CEP63: variants seen among roughly 807,000 people sequenced by gnomAD.
The protein encoded by CEP63 is centrosomal protein 63, also known as centrosomal protein of 63 kDa.
CEP63 carries 84 observed loss-of-function variants against 89.1 expected under a neutral mutation model. The observed-to-expected ratio is 0.94, with a 90% CI of 0.79 to 1.13. The LOEUF (loss-of-function observed/expected upper bound fraction) is 1.13. Ranked by LOEUF, CEP63 falls within the 50% of genes most tolerant of loss-of-function variation. CEP63 has a pLI of 0.00. For missense variants in CEP63, 838 were observed against 813.3 expected (o/e 1.03, Z -0.37); for synonymous variants, 267 against 272.5 (o/e 0.98, Z 0.20).
chr3:134,741,388 T>A, the CEP63 span, among the ~76,000 whole-genome samples: 1 of 152,170 alleles, frequency 6.6e-6, no homozygotes, highest in Non-Finnish European at 1.5e-5. Flanking sequence ...TCACAGTTGT[T>A]AGGGGTAGAG....
At chr3:134,579,826 G>C (rs1958301630), downstream of CEP63, among the ~76,000 whole-genome samples, 1 of 152,174 alleles carries the variant, frequency 6.6e-6, no homozygotes, top group South Asian at 2.1e-4. Flanking sequence ...ATAAAAAATA[G>C]TATATCCATG....
the CEP63 span, among the ~76,000 whole-genome samples, chr3:134,668,486 C>T: frequency 2.0e-5 from 3 of 152,096 alleles, no homozygotes; most frequent in Non-Finnish European, 2.9e-5. Flanking sequence ...TGCCAGCAGC[C>T]CTTAGCCCCC....
At chr3:134,491,108 A>G (rs1484940488) in intron 1 of CEP63, among the ~76,000 whole-genome samples, 3 of 152,202 alleles carry the variant, frequency 2.0e-5, no homozygotes, top group Non-Finnish European at 4.4e-5. Flanking sequence ...TGTTGGATAA[A>G]AGGGTAAATG....
the CEP63 span, among the ~76,000 whole-genome samples, chr3:134,653,398 G>C: frequency 6.6e-6 from 1 of 152,204 alleles, no homozygotes; most frequent in Non-Finnish European, 1.5e-5. Flanking sequence ...TCTGGGAGAT[G>C]CTGCTGCCCC....
the CEP63 span, among the ~76,000 whole-genome samples, chr3:134,776,138 C>A: frequency 6.6e-6 from 1 of 152,210 alleles, no homozygotes; most frequent in Non-Finnish European, 1.5e-5. Flanking sequence ...TGCACCGCAA[C>A]CCATCTCTAT....
At chr3:134,681,189 G>C in the CEP63 span, among the ~76,000 whole-genome samples, 4 of 152,204 alleles carry the variant, frequency 2.6e-5, no homozygotes, top group East Asian at 1.9e-4. Flanking sequence ...TGGGGGTCGG[G>C]GGGTGGTGGA....
the CEP63 span, among the ~76,000 whole-genome samples, chr3:134,650,511 G>T: frequency 1.8e-4 from 27 of 152,054 alleles, 1 homozygote; most frequent in East Asian, 1.8e-3. Flanking sequence ...TTCCTCCAGG[G>T]TATCTTCCAA....
intron 3 of CEP63, among the ~76,000 whole-genome samples, chr3:134,516,617 T>C (rs962430836): frequency 3.3e-5 from 5 of 152,176 alleles, no homozygotes; most frequent in African/African-American, 1.2e-4. Context: ...TGTCCCTGGG[T>C]ACTTGAGATT....
chr3:134,699,135 GT>G, the CEP63 span, among the ~76,000 whole-genome samples: 1 of 152,232 alleles, frequency 6.6e-6, no homozygotes, highest in African/African-American at 2.4e-5. Context: ...TCAGGAGAGT[GT>G]GGACTGCCCT....
At chr3:134,537,357 G>A in intron 6 of CEP63, 89 bp downstream of exon 6, 1 of 827,110 alleles carries the variant, frequency 1.2e-6, no homozygotes, top group Non-Finnish European at 2.1e-6. Context: ...GTACCATTTA[G>A]CCTCTTTCAG....
the CEP63 span, among the ~76,000 whole-genome samples, chr3:134,637,890 TC>T: frequency 6.6e-6 from 1 of 152,250 alleles, no homozygotes; most frequent in Non-Finnish European, 1.5e-5. Flanking sequence ...TGAGGTGGGC[TC>T]ATGTTCGGAG....
the CEP63 span, among the ~76,000 whole-genome samples, chr3:134,761,689 ACTT>A: frequency 3.9e-5 from 6 of 152,078 alleles, no homozygotes; most frequent in Non-Finnish European, 8.8e-5. Context: ...CTGGTACAGT[ACTT>A]CAGATTTGTC....
intron 11 of CEP63, among the ~76,000 whole-genome samples, chr3:134,572,182 A>C (rs1417242319): frequency 6.6e-6 from 1 of 152,116 alleles, no homozygotes; most frequent in Non-Finnish European, 1.5e-5. Context: ...GCGAACATTC[A>C]CTTGTTTACA....
the CEP63 span, among the ~76,000 whole-genome samples, chr3:134,665,316 G>T: frequency 6.6e-6 from 1 of 152,184 alleles, no homozygotes; most frequent in Non-Finnish European, 1.5e-5. Flanking sequence ...TGCATGCAAG[G>T]CTCCTCCCAC....
chr3:134,529,924 A>C (rs1204158916), intron 3 of CEP63, among the ~76,000 whole-genome samples: 1 of 126,988 alleles, frequency 7.9e-6, no homozygotes, highest in Non-Finnish European at 1.6e-5. Context: ...CCCAGGCTGG[A>C]GTGCAGTGGC....
intron 13 of CEP63, 46 bp from the exon 14 acceptor site, chr3:134,559,104 G>T (rs1364425731): frequency 6.2e-7 from 1 of 1,604,052 alleles, no homozygotes; most frequent in East Asian, 2.2e-5. Flanking sequence ...AAAGAGAAAA[G>T]TTGCTACAAT....
the CEP63 span, among the ~76,000 whole-genome samples, chr3:134,724,984 C>G: frequency 2.0e-5 from 3 of 152,064 alleles, no homozygotes; most frequent in African/African-American, 7.2e-5. Flanking sequence ...AACCAGCTGA[C>G]CTGGAGGAAA....
At chr3:134,537,097 G>C in intron 5 of CEP63, 58 bp from the exon 6 acceptor site, 5 of 1,027,638 alleles carry the variant, frequency 4.9e-6, no homozygotes, top group Non-Finnish European at 7.7e-6. Context: ...GGGAGTCTGG[G>C]AAGTAGTGAC....
the CEP63 span, among the ~76,000 whole-genome samples, chr3:134,647,650 A>G: frequency 6.6e-6 from 1 of 152,184 alleles, no homozygotes; most frequent in East Asian, 1.9e-4. Context: ...CCTTGAGGGA[A>G]TGAATGCAAC....
Sources: allele counts gnomAD v4.1 joint callset (sites outside exome capture counted in the v4.1 genomes callset), GRCh38; gene constraint gnomAD v4.1.1; transcripts MANE v1.5; gene names NCBI Gene and HGNC (gene_info 2026-07-23, HGNC 2026-07-21).